The following CDKL2 variants were observed in gnomAD, a reference collection of about 807,000 sequenced individuals.
CDKL2 encodes the protein cyclin dependent kinase like 2, also known as cyclin-dependent kinase-like 2.
CDKL2 carries 64 observed loss-of-function variants against 63.9 expected under a neutral mutation model. The ratio of observed to expected loss-of-function variants is 1.00; its 90% CI spans 0.82 to 1.23. The LOEUF is 1.23. Among genes scored for constraint, CDKL2 ranks in the 50% most tolerant of loss-of-function variants. CDKL2 has a pLI of 0.00. For missense variants in CDKL2, 656 were observed against 668.0 expected (o/e 0.98, Z 0.20); for synonymous variants, 211 against 229.2 (o/e 0.92, Z 0.72).
At chr4:75,629,663 G>A (rs1345174031) in intron 1 of CDKL2, among the ~76,000 whole-genome samples, 1 of 152,132 alleles carries the variant, frequency 6.6e-6, no homozygotes, top group Non-Finnish European at 1.5e-5. Flanking sequence ...TAAAGGGCCG[G>A]GAGCGGTGGC....
chr4:75,607,612 T>C (rs564725731), intron 3 of CDKL2, among the ~76,000 whole-genome samples: 65 of 152,330 alleles, frequency 4.3e-4, no homozygotes, highest in African/African-American at 1.4e-3. Context: ...GTTCAGTTAA[T>C]GTACTGCTCT....
intron 10 of CDKL2, among the ~76,000 whole-genome samples, chr4:75,594,090 T>C (rs1374599393): frequency 6.6e-6 from 1 of 152,224 alleles, no homozygotes; most frequent in Non-Finnish European, 1.5e-5. Flanking sequence ...TGTATTATTA[T>C]AAATATTTAT....
In CDKL2 at chr4:75,612,493, G is replaced by T. The variant is rs535373349; in HGVS notation, c.363+1762C>A. ...GAGACAATGGTTCTTTTTGCTTACTGGTTCCACTGGCAAGCCTATCCTTAG... is the reference window on the plus strand; with the variant it reads ...GAGACAATGGTTCTTTTTGCTTACTTGTTCCACTGGCAAGCCTATCCTTAG... On this transcript the variant is annotated intron_variant, in intron 3 of 13. Transcript: ENST00000307465. Among the ~76,000 whole-genome samples the T allele has an allele frequency of 1.1e-4, 17 of 152,284 alleles. No individual in the cohort carries two copies. The South Asian group carries it at 3.1e-3, about 28-fold the overall frequency.
At chr4:75,595,791 C>A (rs750426385) in intron 10 of CDKL2, among the ~76,000 whole-genome samples, 1 of 151,494 alleles carries the variant, frequency 6.6e-6, no homozygotes, top group African/African-American at 2.4e-5. Context: ...TAGCTGGGTG[C>A]GGTGGCAGGC....
At chr4:75,613,124 CA>C (rs143485625) in intron 3 of CDKL2, among the ~76,000 whole-genome samples, 1 of 142,308 alleles carries the variant, frequency 7.0e-6, no homozygotes. Flanking sequence ...GACTCCGTTT[CA>C]AAAAAAAATA....
chr4:75,614,161 G>A, intron 3 of CDKL2, 94 bp downstream of exon 3: 1 of 771,358 alleles, frequency 1.3e-6, no homozygotes, highest in Non-Finnish European at 2.1e-6. Flanking sequence ...ACTGATGTCT[G>A]CAACTTATTT....
At chr4:75,593,585 C>T (rs1913300) in intron 10 of CDKL2, among the ~76,000 whole-genome samples, 60,870 of 151,864 alleles carry the variant, frequency 0.4, 12,935 homozygotes, top group African/African-American at 0.51. Flanking sequence ...ATTGATTATG[C>T]AATACCTGAA....
rs1728974333 is a variant in CDKL2 at position 75,597,051 on chromosome 4, C to T, written c.1206G>A (p.Val402=). The change falls in exon 9 of 14, where the codon GTG becomes GTA. Residue 402 remains valine, a synonymous_variant. Coordinates refer to ENST00000307465, the MANE Select transcript of CDKL2 (RefSeq NM_001330724.2). ...CCACGCTTGGATTCCTTGTGTGGTC[C>T]ACGCTGACATTGCTGCAGTCTTTGA... ...TSLKDCSNVS[V]DHTRNPSVAI... is the part of the protein sequence containing the mutation. The T allele has an allele frequency of 7.4e-6, 12 of 1,614,068 alleles. No individual in the cohort carries two copies. The highest frequency in any genetic ancestry group is 1.1e-5 in the South Asian group (1 of 91,072).
chr4:75,587,738 C>T (rs959844535), intron 12 of CDKL2, among the ~76,000 whole-genome samples: 3 of 141,668 alleles, frequency 2.1e-5, no homozygotes, highest in East Asian at 2.0e-4. Context: ...CCCATCTCTA[C>T]TAAAAATACA....
chr4:75,607,111 T>C, intron 4 of CDKL2, 72 bp downstream of exon 4: 2 of 1,198,296 alleles, frequency 1.7e-6, no homozygotes, highest in South Asian at 3.1e-5. Context: ...TCATTTACTA[T>C]ATCATAAACA....
intron 1 of CDKL2, among the ~76,000 whole-genome samples, chr4:75,627,494 C>A (rs192836781): frequency 6.4e-4 from 97 of 152,048 alleles, no homozygotes; most frequent in African/African-American, 2.3e-3. Context: ...TGATCTCAAA[C>A]TCCTGACCTC....
intron 10 of CDKL2, among the ~76,000 whole-genome samples, chr4:75,592,572 G>A (rs1728763138): frequency 6.6e-6 from 1 of 152,204 alleles, no homozygotes; most frequent in African/African-American, 2.4e-5. Context: ...GATGGGCATT[G>A]ATGCGCTGGT....
At position 75,577,237 on chromosome 4, in the gene CDKL2, A is replaced by AGG. The variant is rs1251899537; in HGVS notation, c.*1964_*1965insCC. ...AATCATATCCTTGCAAGAGAAACTA[A>AGG]ATAACCTTAAACTTAAAAAAAGGAT... On this transcript the variant is annotated 3_prime_UTR_variant, in exon 14 of 14. Transcript: ENST00000307465. Among the ~76,000 whole-genome samples the AGG allele has an allele frequency of 1.3e-5, 2 of 152,048 alleles. No homozygotes were observed. Among genetic ancestry groups the AGG allele is most frequent in the Non-Finnish European group, 2.9e-5 (2 of 67,990 alleles).
chr4:75,595,710 T>C (rs1728884727), intron 10 of CDKL2, among the ~76,000 whole-genome samples: 1 of 152,002 alleles, frequency 6.6e-6, no homozygotes, highest in Admixed American at 6.6e-5. Context: ...GGCAGGTGGA[T>C]CACGAGGTCA....
intron 3 of CDKL2, among the ~76,000 whole-genome samples, chr4:75,611,320 A>C (rs1336613756): frequency 6.6e-6 from 1 of 152,094 alleles, no homozygotes; most frequent in African/African-American, 2.4e-5. Flanking sequence ...TTAGCCAGGC[A>C]TGGTGGTGCA....
intron 9 of CDKL2, 114 bp from the exon 10 acceptor site, chr4:75,596,454 T>A: frequency 3.0e-6 from 2 of 674,012 alleles, no homozygotes; most frequent in Admixed American, 2.4e-5. Context: ...GAGTGTAATG[T>A]CTATTCTCAA....
chr4:75,624,443 T>G (rs148859312), intron 2 of CDKL2, among the ~76,000 whole-genome samples: 2 of 151,834 alleles, frequency 1.3e-5, no homozygotes, highest in South Asian at 2.1e-4. Context: ...TCCCAGCTAC[T>G]TGGGAGACTG....
chr4:75,615,663 A>G (rs1729897648), intron 2 of CDKL2, among the ~76,000 whole-genome samples: 1 of 152,238 alleles, frequency 6.6e-6, no homozygotes, highest in African/African-American at 2.4e-5. Context: ...AAATGCAACA[A>G]TGCACAAATG....
At position 75,577,734 on chromosome 4, in the gene CDKL2, T is replaced by C. The variant is rs936831740; in HGVS notation, c.*1468A>G. 2.0e-5 allele frequency among the ~76,000 whole-genome samples: 3 copies of C among 152,188 alleles called. No individual in the cohort carries two copies. The highest frequency in any genetic ancestry group is 7.2e-5 in the African/African-American group (3 of 41,456). ...CAGCATGTTATCCATACTAATGTTG[T>C]CAAACAGCTGGTCACAGATTAAAAG... On this transcript the variant is annotated 3_prime_UTR_variant, in exon 14 of 14. Coordinates refer to ENST00000307465, the MANE Select transcript of CDKL2 (RefSeq NM_001330724.2).
Sources: allele counts gnomAD v4.1 joint callset (sites outside exome capture counted in the v4.1 genomes callset), GRCh38; gene constraint gnomAD v4.1.1; transcripts MANE v1.5; gene names NCBI Gene and HGNC (gene_info 2026-07-23, HGNC 2026-07-21).